DCLK2: variants seen among roughly 807,000 people sequenced by gnomAD.
DCLK2 encodes the protein doublecortin like kinase 2.
DCLK2 carries 31 observed loss-of-function variants against 78.4 expected under a neutral mutation model. The observed-to-expected ratio is 0.40, with a 90% confidence interval of 0.30 to 0.53. The LOEUF (loss-of-function observed/expected upper bound fraction) is 0.53. DCLK2 is among the 20% of genes least tolerant of loss of function. The pLI is 0.61. For synonymous variants in DCLK2, 407 were observed against 374.9 expected (o/e 1.09, Z -0.99); for missense variants, 872 against 973.7 (o/e 0.90, Z 1.39).
At chr4:150,083,704 C>T (rs944658273) in intron 1 of DCLK2, among the ~76,000 whole-genome samples, 4 of 152,026 alleles carry the variant, frequency 2.6e-5, no homozygotes, top group Admixed American at 6.5e-5. Context: ...ACATAGGAGT[C>T]GAAAATGATG....
At chr4:150,135,184 A>ACT (rs149861977) in intron 2 of DCLK2, among the ~76,000 whole-genome samples, 7,864 of 151,904 alleles carry the variant, frequency 0.052, 853 homozygotes, top group East Asian at 0.31. Context: ...ACACACACAC[A>ACT]CACACACACT....
At position 150,249,662 on chromosome 4, in the gene DCLK2, C is replaced by T; in HGVS notation, c.2051C>T (p.Thr684Ile). Reference sequence around the variant, plus strand: ...GCGCTCCCCAAACAGAACAGCACTACCACCGGGGTCTCCGTCATCATGGTG... The same window carrying T: ...GCGCTCCCCAAACAGAACAGCACTATCACCGGGGTCTCCGTCATCATGGTG... ...NNALPKQNSTTTGVSVIMNTA... is the reference protein window; with the variant it reads ...NNALPKQNSTITGVSVIMNTA... Residue 684 changes from threonine (T) to isoleucine (I), a missense_variant, in exon 15 of 16, where the codon ACC (threonine) becomes ATC (isoleucine). By Grantham distance (89) the Thr-to-Ile change is moderately conservative (BLOSUM62 -1). Coordinates refer to ENST00000296550, the MANE Select transcript of DCLK2 (RefSeq NM_001040260.4). The T allele has an allele frequency of 2.5e-6, 4 of 1,613,590 alleles. No individual in the cohort carries two copies. The highest frequency in any genetic ancestry group is 2.2e-5 in the South Asian group (2 of 91,082).
intron 5 of DCLK2, 79 bp from the exon 6 acceptor site, chr4:150,220,624 G>A (rs1741114525): frequency 4.2e-6 from 5 of 1,187,760 alleles, no homozygotes; most frequent in Non-Finnish European, 4.9e-6. Context: ...CATTCTGTAA[G>A]CATTTTGTGT....
At chr4:150,123,295 A>G (rs1443416711) in intron 2 of DCLK2, among the ~76,000 whole-genome samples, 1 of 152,126 alleles carries the variant, frequency 6.6e-6, no homozygotes, top group Non-Finnish European at 1.5e-5. Context: ...CTTAGAGGCC[A>G]TTGTAGTGTT....
At chr4:150,175,793 C>T (rs1389452413) in intron 2 of DCLK2, among the ~76,000 whole-genome samples, 1 of 152,102 alleles carries the variant, frequency 6.6e-6, no homozygotes, top group Non-Finnish European at 1.5e-5. Context: ...CTCATTTTGG[C>T]GTGTCTTCAT....
Position 150,105,716 on chromosome 4 carries a change from T to C in DCLK2, c.756+2904T>C, listed in dbSNP as rs180865500. 1.4e-4 allele frequency among the ~76,000 whole-genome samples: 22 copies of C among 152,234 alleles called. 1 individual carries two copies. In the East Asian group the frequency reaches 3.9e-3, roughly 27 times the overall value. The stretch of plus-strand genomic sequence containing the variant: ...AATTGAAAGTAGAAAATAGTTGTTA[T>C]ATTACCATGGAATTCATATGTACTG... On this transcript the variant is annotated intron_variant, in intron 2 of 15. Coordinates refer to ENST00000296550, the MANE Select transcript of DCLK2 (RefSeq NM_001040260.4).
intron 12 of DCLK2, among the ~76,000 whole-genome samples, chr4:150,241,825 C>G (rs1742947746): frequency 6.6e-6 from 1 of 152,100 alleles, no homozygotes; most frequent in Non-Finnish European, 1.5e-5. Flanking sequence ...TCTCTGGGGT[C>G]TTTTGTAAGG....
chr4:150,193,153 G>A lies in DCLK2; in HGVS notation c.772G>A (p.Asp258Asn). Residue 258 changes from aspartate to asparagine, a missense_variant, in exon 3 of 16, where the codon GAC becomes AAC. This residue lies in a region of DCLK2 where 567 missense variants were observed against 593.4 expected (regional missense o/e 0.96). Coordinates refer to ENST00000296550, the MANE Select transcript of DCLK2 (RefSeq NM_001040260.4). ...TTGTTCTCAGGTTACTTGTCTGCAAGACTTTTTTGGTGATGACGATGTTTT... is the reference window on the plus strand; with the variant it reads ...TTGTTCTCAGGTTACTTGTCTGCAAAACTTTTTTGGTGATGACGATGTTTT... The part of the protein sequence containing the change: ...LDGKQVTCLQ[D>N]FFGDDDVFIA... The A allele has an allele frequency of 6.2e-7, 1 of 1,608,114 alleles. No individual in the cohort carries two copies.
chr4:150,099,310 C>T (rs540601946), intron 1 of DCLK2, among the ~76,000 whole-genome samples: 100 of 152,294 alleles, frequency 6.6e-4, no homozygotes, highest in African/African-American at 1.9e-3. Context: ...CCTCCCTCTT[C>T]GGCCTCCCAA....
intron 15 of DCLK2, among the ~76,000 whole-genome samples, chr4:150,251,969 G>C (rs1042643855): frequency 2.4e-4 from 36 of 152,152 alleles, no homozygotes; most frequent in Admixed American, 1.6e-3. Flanking sequence ...GACAGAGCCT[G>C]GGTTTGCAAG....
intron 14 of DCLK2, among the ~76,000 whole-genome samples, chr4:150,248,920 G>C (rs188212463): frequency 6.6e-6 from 1 of 151,868 alleles, no homozygotes; most frequent in African/African-American, 2.4e-5. Flanking sequence ...CCAATAAATG[G>C]GGACTGTGGG....
intron 12 of DCLK2, among the ~76,000 whole-genome samples, chr4:150,242,392 C>T (rs1457971520): frequency 6.6e-6 from 1 of 152,202 alleles, no homozygotes; most frequent in East Asian, 1.9e-4. Context: ...TCGTGGTCTT[C>T]CACCAAAGTC....
At chr4:150,127,198 A>G (rs1274486511) in intron 2 of DCLK2, among the ~76,000 whole-genome samples, 2 of 152,292 alleles carry the variant, frequency 1.3e-5, no homozygotes, top group African/African-American at 2.4e-5. Context: ...TTTTTATAGA[A>G]ATGAATATCT....
chr4:150,200,237 C>A (rs1051160443), intron 4 of DCLK2, among the ~76,000 whole-genome samples: 1 of 152,102 alleles, frequency 6.6e-6, no homozygotes, highest in Non-Finnish European at 1.5e-5. Context: ...TAAGGAAAAT[C>A]GTAGCATTCT....
chr4:150,222,774 G>C (rs192622767), intron 7 of DCLK2, among the ~76,000 whole-genome samples: 1 of 151,930 alleles, frequency 6.6e-6, no homozygotes, highest in East Asian at 1.9e-4. Context: ...GCTGAGGCAC[G>C]AGAATCACTT....
intron 2 of DCLK2, among the ~76,000 whole-genome samples, chr4:150,127,989 G>T (rs554300790): frequency 6.6e-6 from 1 of 152,208 alleles, no homozygotes; most frequent in African/African-American, 2.4e-5. Flanking sequence ...GGCTCAGAAG[G>T]AGCTGTGGGT....
In DCLK2 at chr4:150,192,495, A is replaced by AAAG. The variant is rs3032861; in HGVS notation, c.757-643_757-642insAAG. 2.6e-4 allele frequency among the ~76,000 whole-genome samples: 40 copies of AAAG among 151,232 alleles called. 1 individual carries two copies. The highest frequency in any genetic ancestry group is 1.0e-3 in the South Asian group (5 of 4,782). ...TTGCGTCTCAAAAAAAAAAAAAAAA[A>AAAG]CAAGTGAAATTGAGACCACATATTT... On this transcript the variant is annotated intron_variant, in intron 2 of 15. Coordinates refer to ENST00000296550, the MANE Select transcript of DCLK2 (RefSeq NM_001040260.4).
At chr4:150,135,952 G>A (rs1049847252) in intron 2 of DCLK2, among the ~76,000 whole-genome samples, 2 of 152,174 alleles carry the variant, frequency 1.3e-5, no homozygotes, top group South Asian at 2.1e-4. Context: ...AGAGCTTTGT[G>A]GGGTTTCTCC....
In DCLK2 at chr4:150,091,085, T is replaced by A. The variant is rs559968116; in HGVS notation, c.422-11393T>A. 3.3e-5 allele frequency among the ~76,000 whole-genome samples: 5 copies of A among 152,354 alleles called. No homozygotes were observed. In the South Asian group the frequency reaches 1.0e-3, roughly 32 times the overall value. On this transcript the variant is annotated intron_variant, in intron 1 of 15. Transcript: ENST00000296550. ...GGAAACTCAATTAAGTTGTTTGCCA[T>A]GACGGAATAATAAATCAGTCTTACT...
Sources: gnomAD v4.1 joint callset for allele counts (sites outside exome capture counted in the v4.1 genomes callset) on GRCh38, gnomAD v4.1.1 for gene constraint, gnomAD v4.1.1 regional missense constraint, MANE v1.5 for transcripts, NCBI Gene and HGNC (gene_info 2026-07-23, HGNC 2026-07-21) for gene names.